Variants in C4orf51 observed in about 807,000 individuals in gnomAD.
The protein encoded by C4orf51 is chromosome 4 open reading frame 51.
In C4orf51, 25 loss-of-function variants were observed where a neutral mutation model predicts 25.2. That is an observed-to-expected ratio of 0.99 (90% CI 0.72 to 1.39). The LOEUF (loss-of-function observed/expected upper bound fraction) is 1.39. C4orf51 is among the 40% of genes most tolerant of loss of function. The probability of loss-of-function intolerance (pLI) is 0.00; values close to 1 mark genes in which losing one functional copy is unlikely to be tolerated. For synonymous variants in C4orf51, 100 were observed against 84.5 expected (o/e 1.18, Z -1.01); for missense variants, 252 against 239.6 (o/e 1.05, Z -0.34).
intron 1 of C4orf51, among the ~76,000 whole-genome samples, chr4:145,682,643 A>G (rs1427232181): frequency 2.0e-5 from 3 of 152,224 alleles, no homozygotes; most frequent in African/African-American, 7.2e-5. Context: ...GAGATAGAAG[A>G]AACTTGGTAA....
At chr4:145,708,432 T>C (rs1730955984) in intron 2 of C4orf51, among the ~76,000 whole-genome samples, 1 of 152,236 alleles carries the variant, frequency 6.6e-6, no homozygotes, top group Admixed American at 6.5e-5. Flanking sequence ...CAAGATTACC[T>C]GTCTGTGAAG....
the C4orf51 span, among the ~76,000 whole-genome samples, chr4:145,785,745 C>T: frequency 1.3e-5 from 2 of 152,176 alleles, no homozygotes; most frequent in African/African-American, 2.4e-5. Flanking sequence ...GACAGACCCA[C>T]GGTGTCATTC....
intron 5 of C4orf51, among the ~76,000 whole-genome samples, chr4:145,731,430 C>T (rs1021767779): frequency 3.9e-5 from 6 of 151,922 alleles, no homozygotes; most frequent in African/African-American, 1.2e-4. Context: ...GGTGCAATAA[C>T]AGACTAAAAG....
intron 1 of C4orf51, among the ~76,000 whole-genome samples, chr4:145,742,192 C>T (rs1560862341): frequency 6.6e-6 from 1 of 152,192 alleles, no homozygotes; most frequent in Non-Finnish European, 1.5e-5. Flanking sequence ...GATTCAGCCT[C>T]ACTCTACTCA....
intron 1 of C4orf51, among the ~76,000 whole-genome samples, chr4:145,691,202 T>A (rs1427895965): frequency 6.6e-6 from 1 of 152,094 alleles, no homozygotes; most frequent in Non-Finnish European, 1.5e-5. Context: ...ATGCTCAGCA[T>A]CACTGATCAT....
intron 1 of C4orf51, among the ~76,000 whole-genome samples, chr4:145,753,507 C>G (rs1733792238): frequency 6.6e-6 from 1 of 152,062 alleles, no homozygotes; most frequent in South Asian, 2.1e-4. Context: ...AGAGAAAACC[C>G]CTATGCTGAA....
At chr4:145,715,810 A>G (rs1416811854) in intron 2 of C4orf51, among the ~76,000 whole-genome samples, 2 of 152,160 alleles carry the variant, frequency 1.3e-5, no homozygotes, top group African/African-American at 4.8e-5. Flanking sequence ...ACCATGTTCC[A>G]TGCTGGAACA....
At chr4:145,719,402 G>A (rs1163280275) in intron 2 of C4orf51, among the ~76,000 whole-genome samples, 4 of 151,908 alleles carry the variant, frequency 2.6e-5, no homozygotes, top group East Asian at 1.9e-4. Context: ...TCGGGAGATC[G>A]AGACCATCCT....
At chr4:145,747,484 T>C (rs1463628558) in intron 1 of C4orf51, among the ~76,000 whole-genome samples, 1 of 152,144 alleles carries the variant, frequency 6.6e-6, no homozygotes, top group African/African-American at 2.4e-5. Flanking sequence ...TCTATTCTGT[T>C]GATATGATAT....
intron 2 of C4orf51, among the ~76,000 whole-genome samples, chr4:145,697,258 C>T (rs1730130846): frequency 6.6e-6 from 1 of 151,934 alleles, no homozygotes; most frequent in Non-Finnish European, 1.5e-5. Flanking sequence ...TGCCACCATG[C>T]CCAACTAATT....
At chr4:145,766,526 G>C (rs1046313673) in intron 1 of C4orf51, among the ~76,000 whole-genome samples, 6 of 152,194 alleles carry the variant, frequency 3.9e-5, no homozygotes, top group Non-Finnish European at 8.8e-5. Context: ...GAAGGAACCA[G>C]GTGGAACCTG....
intron 2 of C4orf51, among the ~76,000 whole-genome samples, chr4:145,723,247 T>C (rs778108261): frequency 3.9e-5 from 6 of 152,116 alleles, no homozygotes; most frequent in Non-Finnish European, 8.8e-5. Flanking sequence ...AGTTGTATTG[T>C]TCACATTTAA....
chr4:145,770,251 A>T (rs1485128122), intron 1 of C4orf51, among the ~76,000 whole-genome samples: 3 of 152,120 alleles, frequency 2.0e-5, no homozygotes, highest in Non-Finnish European at 4.4e-5. Context: ...GTGAGCCAAG[A>T]TCACGCCACT....
Position 145,762,561 on chromosome 4 carries a change from G to A in C4orf51, n.167-8427G>A, listed in dbSNP as rs1404287943. On this transcript the variant is annotated intron_variant and non_coding_transcript_variant, in intron 1 of 1. Transcript: ENST00000510096. This position sits in a 1 kb window ranked among gnomAD's most constrained non-coding sequence, Gnocchi z 4.9. Reference sequence around the variant, plus strand: ...TGAGTGGTCTCTACAGGCAATTTAGGTAGATTCTGGAAGGGCGGATGCTGG... The same window carrying A: ...TGAGTGGTCTCTACAGGCAATTTAGATAGATTCTGGAAGGGCGGATGCTGG... Among the ~76,000 whole-genome samples the A allele has an allele frequency of 6.6e-6, 1 of 152,114 alleles. No homozygotes were observed. Among genetic ancestry groups the A allele is most frequent in the Non-Finnish European group, 1.5e-5 (1 of 68,026 alleles).
At chr4:145,715,205 G>A (rs995428163) in intron 2 of C4orf51, among the ~76,000 whole-genome samples, 2 of 152,188 alleles carry the variant, frequency 1.3e-5, no homozygotes, top group African/African-American at 4.8e-5. Context: ...GCAGCTCATG[G>A]GTGGGTTTCT....
chr4:145,774,731 T>C (rs1736790284), downstream of C4orf51: 1 of 1,559,874 alleles, frequency 6.4e-7, no homozygotes, highest in East Asian at 2.3e-5. Context: ...TACTTCTAAA[T>C]GTAGGCTGTC....
At chr4:145,777,112 C>A in the C4orf51 span, among the ~76,000 whole-genome samples, 1 of 152,180 alleles carries the variant, frequency 6.6e-6, no homozygotes, top group Non-Finnish European at 1.5e-5. Context: ...GAAAAAAGTT[C>A]TTCTCTACAA....
intron 2 of C4orf51, among the ~76,000 whole-genome samples, chr4:145,722,072 G>T (rs1276459375): frequency 6.6e-6 from 1 of 152,090 alleles, no homozygotes; most frequent in Non-Finnish European, 1.5e-5. Context: ...AGATAAATGG[G>T]GGAGGGCACG....
downstream of C4orf51, among the ~76,000 whole-genome samples, chr4:145,773,503 A>T (rs1736595964): frequency 6.6e-6 from 1 of 152,176 alleles, no homozygotes; most frequent in Non-Finnish European, 1.5e-5. Context: ...CTGACCCAAC[A>T]CCCAGGGCTG....
Sources: allele counts gnomAD v4.1 joint callset (sites outside exome capture counted in the v4.1 genomes callset), GRCh38; gene constraint gnomAD v4.1.1; non-coding constraint Gnocchi (gnomAD v3.1); transcripts MANE v1.5; gene names NCBI Gene and HGNC (gene_info 2026-07-23, HGNC 2026-07-21).